The following FSIP1 variants were observed in gnomAD, a reference collection of about 807,000 sequenced individuals.
FSIP1 encodes the protein fibrous sheath-interacting protein 1.
A neutral mutation model predicts 60.9 loss-of-function variants in FSIP1; 65 were observed. The observed-to-expected ratio is 1.07, with a 90% CI of 0.87 to 1.31. The LOEUF is 1.31. Among genes scored for constraint, FSIP1 ranks in the 40% most tolerant of loss-of-function variants. FSIP1 has a pLI of 0.00. For missense variants in FSIP1, 675 were observed against 665.5 expected (o/e 1.01, Z -0.16); for synonymous variants, 209 against 221.2 (o/e 0.94, Z 0.49).
intron 5 of FSIP1, among the ~76,000 whole-genome samples, chr15:39,745,721 G>C (rs1001170837): frequency 2.0e-5 from 3 of 152,202 alleles, no homozygotes; most frequent in African/African-American, 7.2e-5. Context: ...AACACATGCA[G>C]ACAGGGGGAA....
chr15:39,770,109 T>C (rs540432835), intron 3 of FSIP1, among the ~76,000 whole-genome samples: 1 of 152,304 alleles, frequency 6.6e-6, no homozygotes, highest in South Asian at 2.1e-4. Context: ...ATATATTATA[T>C]TGTACAATTT....
chr15:39,674,049 G>A (rs563201231), intron 10 of FSIP1, among the ~76,000 whole-genome samples: 5 of 150,756 alleles, frequency 3.3e-5, no homozygotes, highest in African/African-American at 1.2e-4. Flanking sequence ...AACCCGACCC[G>A]ATTTAATTTT....
At chr15:39,628,480 C>A (rs962457364) in intron 10 of FSIP1, among the ~76,000 whole-genome samples, 1 of 152,170 alleles carries the variant, frequency 6.6e-6, no homozygotes, top group African/African-American at 2.4e-5. Context: ...CAGGAGAAGA[C>A]CCTAAAAGCC....
chr15:39,676,480 A>G (rs919572018), intron 10 of FSIP1, among the ~76,000 whole-genome samples: 4 of 152,184 alleles, frequency 2.6e-5, no homozygotes, highest in Non-Finnish European at 4.4e-5. Context: ...CAGTGAATAG[A>G]ATAATTATTC....
At chr15:39,735,157 A>G (rs1004288231) in intron 8 of FSIP1, among the ~76,000 whole-genome samples, 5 of 152,224 alleles carry the variant, frequency 3.3e-5, no homozygotes, top group Admixed American at 2.6e-4. Context: ...TTTTGTTAAT[A>G]AAGTAGACAA....
chr15:39,705,641 T>C (rs1895232966), intron 10 of FSIP1, among the ~76,000 whole-genome samples: 1 of 152,074 alleles, frequency 6.6e-6, no homozygotes, highest in African/African-American at 2.4e-5. Context: ...ATATATAACA[T>C]AGTTGATAAA....
intron 10 of FSIP1, among the ~76,000 whole-genome samples, chr15:39,665,961 T>A (rs1356285954): frequency 1.3e-5 from 2 of 152,180 alleles, no homozygotes; most frequent in South Asian, 2.1e-4. Flanking sequence ...CCCAGAGAGA[T>A]TATATTCACA....
intron 9 of FSIP1, among the ~76,000 whole-genome samples, chr15:39,719,269 T>C (rs1193678300): frequency 3.3e-5 from 5 of 152,230 alleles, no homozygotes; most frequent in East Asian, 1.9e-4. Context: ...TTTCTCATAG[T>C]AGAAATATTT....
chr15:39,739,720 T>G lies in FSIP1; in HGVS notation c.725A>C (p.Glu242Ala). ...GTGTTTACCCCTGAGCTCAATCTTT[T>G]CTGTATTCGAGAAAGGTTTCTTTCC... is the stretch of plus-strand genomic sequence containing the variant. ...KSGKKPFSNTEKIELRGKHNQ... is the reference protein window; with the variant it reads ...KSGKKPFSNTAKIELRGKHNQ... Residue 242 changes from glutamate (E) to alanine (A), a missense_variant, in exon 7 of 12, where the codon GAA (glutamate) becomes GCA (alanine). Coordinates refer to ENST00000350221, the MANE Select transcript of FSIP1 (RefSeq NM_152597.5). 1 of 1,602,442 alleles carries G rather than the reference T, an allele frequency of 6.2e-7. No individual in the cohort carries two copies. Among genetic ancestry groups the G allele is most frequent in the African/African-American group, 1.3e-5 (1 of 74,480 alleles).
At chr15:39,744,250 A>T (rs1896905846) in intron 5 of FSIP1, among the ~76,000 whole-genome samples, 1 of 152,222 alleles carries the variant, frequency 6.6e-6, no homozygotes, top group African/African-American at 2.4e-5. Flanking sequence ...AGAAAATTTT[A>T]AAAATTCCTC....
intron 7 of FSIP1, among the ~76,000 whole-genome samples, 195 bp from the exon 8 acceptor site, chr15:39,738,396 T>C (rs1896691854): frequency 6.6e-6 from 1 of 152,010 alleles, no homozygotes; most frequent in South Asian, 2.1e-4. Context: ...TCCAAAGATA[T>C]TATCCCTATA....
At chr15:39,710,441 G>GAAAAAAAAAAAAAAAA (rs397945950) in intron 10 of FSIP1, among the ~76,000 whole-genome samples, 4 of 74,238 alleles carry the variant, frequency 5.4e-5, no homozygotes, top group Non-Finnish European at 5.9e-5. Context: ...CTCTGTCTCA[G>GAAAAAAAAAAAAAAAA]AAAAAAAAAA....
In FSIP1 at chr15:39,621,517, T is replaced by A. The variant is rs759382465; in HGVS notation, c.1189-3272A>T. 1.1e-3 allele frequency among the ~76,000 whole-genome samples: 170 copies of A among 152,364 alleles called. 2 individuals are homozygous for A. Among genetic ancestry groups the A allele is most frequent in the Non-Finnish European group, 1.7e-3 (119 of 68,036 alleles). ...TCACCTGAGTTCTCAGGGGCTCATC[T>A]CCTTTATCTGTAAAATGAGGAACTT... On this transcript the variant is annotated intron_variant, in intron 10 of 11. Coordinates refer to ENST00000350221, the MANE Select transcript of FSIP1 (RefSeq NM_152597.5).
rs749859540 is a variant in FSIP1 at position 39,713,407 on chromosome 15, T to G, written c.1188+37A>C. On this transcript the variant is annotated intron_variant, in intron 10 of 11. Coordinates refer to ENST00000350221, the MANE Select transcript of FSIP1 (RefSeq NM_152597.5). The stretch of plus-strand genomic sequence containing the variant: ...CATAGTGAGAACCTGCCTCTATTTT[T>G]TTCTTAAAAAAAATTAATTAAAACA... 4 of 1,563,824 alleles carry G rather than the reference T, an allele frequency of 2.6e-6. No homozygotes were observed. In the South Asian group the frequency reaches 4.8e-5, roughly 19 times the overall value.
chr15:39,764,333 C>T (rs992374089), intron 4 of FSIP1, among the ~76,000 whole-genome samples: 3 of 152,150 alleles, frequency 2.0e-5, no homozygotes, highest in African/African-American at 4.8e-5. Context: ...GATAGGCTAA[C>T]TTTTTCTGCT....
At chr15:39,732,914 C>T (rs77496495) in intron 8 of FSIP1, among the ~76,000 whole-genome samples, 6,841 of 152,204 alleles carry the variant, frequency 0.045, 512 homozygotes, top group African/African-American at 0.15. Context: ...ACTTTTCCTG[C>T]GGCACTGCTT....
At chr15:39,697,127 T>C (rs576428301) in intron 10 of FSIP1, among the ~76,000 whole-genome samples, 1 of 151,258 alleles carries the variant, frequency 6.6e-6, no homozygotes, top group African/African-American at 2.5e-5. Flanking sequence ...ATAGCCACTT[T>C]ATAATTAAAG....
At chr15:39,726,488 A>T in intron 9 of FSIP1, 101 bp downstream of exon 9, 2 of 1,163,420 alleles carry the variant, frequency 1.7e-6, no homozygotes, top group South Asian at 2.5e-5. Context: ...TTATGAAACT[A>T]TGATCACTGG....
chr15:39,614,644 C>CA (rs35512322), intron 11 of FSIP1, among the ~76,000 whole-genome samples: 1,012 of 96,044 alleles, frequency 0.011, 5 homozygotes, highest in Non-Finnish European at 0.016. Flanking sequence ...GACTCCATCT[C>CA]AAAAAAAAAA....
Sources: gnomAD v4.1 joint callset for allele counts (sites outside exome capture counted in the v4.1 genomes callset) on GRCh38, gnomAD v4.1.1 for gene constraint, MANE v1.5 for transcripts, NCBI Gene and HGNC (gene_info 2026-07-23, HGNC 2026-07-21) for gene names.